The following RBMS3 variants were observed in gnomAD, a reference collection of about 807,000 sequenced individuals.
The protein encoded by RBMS3 is RNA binding motif single stranded interacting protein 3.
Under a neutral mutation model 66.8 loss-of-function variants are expected in RBMS3, and 27 were observed. The observed-to-expected ratio is 0.40, with a 90% CI of 0.30 to 0.56. The LOEUF (loss-of-function observed/expected upper bound fraction) is 0.56. RBMS3 is among the 20% of genes least tolerant of loss of function. The pLI, the probability that RBMS3 is intolerant of heterozygous loss-of-function variation, is 0.40. For missense variants in RBMS3, 513 were observed against 549.5 expected, an observed-to-expected ratio of 0.93 and a Z score of 0.66; for synonymous variants, 188 against 183.0, an observed-to-expected ratio of 1.03 and a Z score of -0.22.
At chr3:29,424,081 A>T (rs182401379) in intron 1 of RBMS3, among the ~76,000 whole-genome samples, 12 of 152,364 alleles carry the variant, frequency 7.9e-5, no homozygotes, top group African/African-American at 2.9e-4. Flanking sequence ...AACTTTAGCC[A>T]TTGCTATTCT....
At position 29,868,940 on chromosome 3, in the gene RBMS3, G is replaced by A; in HGVS notation, c.720G>A (p.Gly240=). 1.2e-6 allele frequency: 2 copies of A among 1,600,168 alleles called. No individual in the cohort carries two copies. Among genetic ancestry groups the A allele is most frequent in the Non-Finnish European group, 1.7e-6 (2 of 1,172,378 alleles). The change falls in exon 7 of 15, where the codon GGG becomes GGA. Residue 240 remains glycine, a synonymous_variant. Coordinates refer to ENST00000383767, the MANE Select transcript of RBMS3 (RefSeq NM_001003793.3). ...ATCAAAGCAAATATACCCAGAATGG[G>A]AGGCCTTGGCCCAGGGAAGGAGAGG... is the stretch of plus-strand genomic sequence containing the variant. ...RQNQSKYTQN[G]RPWPREGEAG...
chr3:29,282,743 T>C (rs1052730886), intron 1 of RBMS3, among the ~76,000 whole-genome samples: 1 of 152,096 alleles, frequency 6.6e-6, no homozygotes, highest in Non-Finnish European at 1.5e-5. Context: ...AATAAATAAA[T>C]ATGCCGAGAG....
At chr3:29,711,280 A>T (rs2053155139) in intron 4 of RBMS3, among the ~76,000 whole-genome samples, 1 of 152,320 alleles carries the variant, frequency 6.6e-6, no homozygotes, top group Middle Eastern at 3.4e-3. Flanking sequence ...AATCACAGAT[A>T]AGAGGAGACT....
At chr3:29,977,909 A>G (rs1292432579) in intron 12 of RBMS3, among the ~76,000 whole-genome samples, 1 of 127,176 alleles carries the variant, frequency 7.9e-6, no homozygotes, top group Non-Finnish European at 1.5e-5. Context: ...AGGCTCTAGT[A>G]AAAAAAAAAA....
At chr3:29,567,456 T>G (rs2046783478) in intron 3 of RBMS3, among the ~76,000 whole-genome samples, 1 of 152,180 alleles carries the variant, frequency 6.6e-6, no homozygotes, top group Non-Finnish European at 1.5e-5. Flanking sequence ...TTCTGTGTTC[T>G]CCAGTAGGTA....
rs1374160543 is a variant in RBMS3 at position 29,597,947 on chromosome 3, G to A, written c.399+10742G>A. Among the ~76,000 whole-genome samples, 3 of 151,998 alleles carry A rather than the reference G, an allele frequency of 2.0e-5. No individual in the cohort carries two copies. The East Asian group carries it at 5.8e-4, about 29-fold the overall frequency. ...ATATTTAAGGTAACTGAACAAAGTT[G>A]CTTGATGAGACCAGCACAAAATGAA... On this transcript the variant is annotated intron_variant, in intron 4 of 14. Transcript: ENST00000383767.
At chr3:29,652,040 A>G (rs916087060) in intron 4 of RBMS3, among the ~76,000 whole-genome samples, 1 of 152,108 alleles carries the variant, frequency 6.6e-6, no homozygotes, top group Non-Finnish European at 1.5e-5. Flanking sequence ...TTCTCTTTGG[A>G]TAACTACTGA....
chr3:29,918,636 G>T (rs1399084481), intron 10 of RBMS3, among the ~76,000 whole-genome samples: 1 of 151,986 alleles, frequency 6.6e-6, no homozygotes, highest in Non-Finnish European at 1.5e-5. Flanking sequence ...GCTATTTCAG[G>T]TTATCAGATT....
intron 1 of RBMS3, among the ~76,000 whole-genome samples, chr3:29,384,432 T>TAAGAAGAAG (rs561847341): frequency 3.0e-3 from 295 of 99,404 alleles, no homozygotes; most frequent in Admixed American, 0.012. Flanking sequence ...ATAATAATAA[T>TAAGAAGAAG]AATAAGAAGA....
intron 2 of RBMS3, among the ~76,000 whole-genome samples, chr3:29,468,213 GC>G (rs2042604715): frequency 6.6e-6 from 1 of 152,116 alleles, no homozygotes; most frequent in Admixed American, 6.5e-5. Flanking sequence ...CACTCTACAT[GC>G]TGAAATTGTT....
chr3:29,541,660 G>T (rs1389000604), intron 3 of RBMS3, among the ~76,000 whole-genome samples: 1 of 152,088 alleles, frequency 6.6e-6, no homozygotes, highest in Non-Finnish European at 1.5e-5. Context: ...AACCTAAGGG[G>T]TCATGTCAAA....
At chr3:29,535,344 T>G (rs951209057) in intron 3 of RBMS3, among the ~76,000 whole-genome samples, 2 of 152,192 alleles carry the variant, frequency 1.3e-5, no homozygotes, top group African/African-American at 4.8e-5. Context: ...CATCATTCTG[T>G]AATCTCATTG....
At chr3:29,812,820 T>G (rs1248989241) in intron 6 of RBMS3, among the ~76,000 whole-genome samples, 1 of 152,190 alleles carries the variant, frequency 6.6e-6, no homozygotes, top group Admixed American at 6.5e-5. Context: ...ACTTCATGAA[T>G]AAAGTTCAAT....
chr3:29,988,045 A>G, intron 12 of RBMS3, 98 bp from the exon 13 acceptor site: 2 of 896,122 alleles, frequency 2.2e-6, no homozygotes, highest in Admixed American at 2.1e-5. Flanking sequence ...CACACTGGCT[A>G]TGGGCCCCAT....
chr3:29,509,724 A>C (rs961415212), intron 3 of RBMS3, among the ~76,000 whole-genome samples: 1 of 152,160 alleles, frequency 6.6e-6, no homozygotes, highest in Non-Finnish European at 1.5e-5. Context: ...GTTCTCCCAA[A>C]AGTATACCCA....
At chr3:29,514,592 T>C (rs1373183199) in intron 3 of RBMS3, among the ~76,000 whole-genome samples, 1 of 147,614 alleles carries the variant, frequency 6.8e-6, no homozygotes, top group Non-Finnish European at 1.5e-5. Flanking sequence ...GGAAGCGATT[T>C]ATCCCCAAAT....
chr3:29,675,231 A>T (rs1441719577), intron 4 of RBMS3, among the ~76,000 whole-genome samples: 1 of 152,202 alleles, frequency 6.6e-6, no homozygotes, highest in Non-Finnish European at 1.5e-5. Context: ...ATATGTAGAA[A>T]GCTGAAACTG....
At chr3:29,627,187 G>T (rs1248867277) in intron 4 of RBMS3, among the ~76,000 whole-genome samples, 1 of 152,112 alleles carries the variant, frequency 6.6e-6, no homozygotes, top group Non-Finnish European at 1.5e-5. Flanking sequence ...TGGCATTAAA[G>T]TGCTGACAAG....
chr3:29,868,981 A>C lies in RBMS3; in HGVS notation c.744+17A>C. 1 of 1,562,162 alleles carries C rather than the reference A, an allele frequency of 6.4e-7. No individual in the cohort carries two copies. The highest frequency in any genetic ancestry group is 8.7e-7 in the Non-Finnish European group (1 of 1,152,322). ...GAAGGAGAGGTGAGTCCTGACTGAT[A>C]ACATTTGCTCTGAAATTTGGCAGTA... is the stretch of plus-strand genomic sequence containing the variant. On this transcript the variant is annotated intron_variant, in intron 7 of 14. Coordinates refer to ENST00000383767, the MANE Select transcript of RBMS3 (RefSeq NM_001003793.3).
Sources: allele counts gnomAD v4.1 joint callset (sites outside exome capture counted in the v4.1 genomes callset), GRCh38; gene constraint gnomAD v4.1.1; transcripts MANE v1.5; gene names NCBI Gene and HGNC (gene_info 2026-07-23, HGNC 2026-07-21).